The following PLCL1 variants were observed in gnomAD, a reference collection of about 807,000 sequenced individuals.
The protein encoded by PLCL1 is phospholipase C like 1 (inactive).
PLCL1 carries 41 observed loss-of-function variants against 84.4 expected under a neutral mutation model. The ratio of observed to expected loss-of-function variants is 0.49; its 90% CI spans 0.38 to 0.63. The LOEUF (loss-of-function observed/expected upper bound fraction) is 0.63. PLCL1 is among the 30% of genes least tolerant of loss of function. The probability of loss-of-function intolerance (pLI) is 0.00; values close to 1 mark genes in which losing one functional copy is unlikely to be tolerated. For missense variants in PLCL1, 1,206 were observed against 1,367.8 expected (o/e 0.88, Z 1.87); for synonymous variants, 490 against 488.3 (o/e 1.00, Z -0.05).
chr2:198,086,162 C>G lies in PLCL1; in HGVS notation c.2645C>G (p.Thr882Ser), dbSNP rs959974738. Residue 882 changes from threonine (T) to serine (S), a missense_variant, in exon 2 of 6, where the codon ACC (threonine) becomes AGC (serine). Physicochemically the swap from Thr to Ser is moderately conservative, Grantham distance 58. Coordinates refer to ENST00000428675, the MANE Select transcript of PLCL1 (RefSeq NM_006226.4). ...YTMLRNIGLKTIDDIFKIAVH... is the reference protein window; with the variant it reads ...YTMLRNIGLKSIDDIFKIAVH... ...ATGCTCAGGAATATCGGTCTTAAAA[C>G]CATTGATGACATCTTTAAAATAGCG... The G allele has an allele frequency of 5.0e-6, 8 of 1,613,744 alleles. No homozygotes were observed. The highest frequency in any genetic ancestry group is 6.8e-6 in the Non-Finnish European group (8 of 1,179,706).
At chr2:197,837,352 AAT>A (rs1177980912) in intron 1 of PLCL1, among the ~76,000 whole-genome samples, 2 of 152,234 alleles carry the variant, frequency 1.3e-5, no homozygotes, top group Non-Finnish European at 2.9e-5. Flanking sequence ...GTATATTTTA[AAT>A]ATTCTACAAA....
intron 1 of PLCL1, among the ~76,000 whole-genome samples, chr2:197,999,925 A>C (rs1017302509): frequency 2.0e-5 from 3 of 152,218 alleles, no homozygotes. Flanking sequence ...TAGGTAGTGC[A>C]GTCACACATA....
intron 1 of PLCL1, among the ~76,000 whole-genome samples, chr2:197,901,936 A>C (rs1688275881): frequency 6.6e-6 from 1 of 152,162 alleles, no homozygotes; most frequent in African/African-American, 2.4e-5. Context: ...TATATACCAA[A>C]ATAGTTTCCT....
intron 1 of PLCL1, among the ~76,000 whole-genome samples, chr2:197,822,558 T>TAC (rs1690838886): frequency 3.3e-5 from 5 of 152,316 alleles, no homozygotes; most frequent in Admixed American, 1.3e-4. Flanking sequence ...CTAAGCACTT[T>TAC]ATGTGTATTA....
At chr2:197,993,437 A>G (rs1438278633) in intron 1 of PLCL1, among the ~76,000 whole-genome samples, 2 of 152,174 alleles carry the variant, frequency 1.3e-5, no homozygotes. Flanking sequence ...CTCCATCATC[A>G]GGGTCAGGGA....
chr2:197,961,788 T>G lies in PLCL1; in HGVS notation c.241-121970T>G, dbSNP rs181460475. Among the ~76,000 whole-genome samples, 685 of 152,140 alleles carry G rather than the reference T, an allele frequency of 4.5e-3. 5 individuals carry two copies. The highest frequency in any genetic ancestry group is 0.016 in the African/African-American group (656 of 41,538). ...TTAGGGGTTGTTTTGATTTACAGGA[T>G]AGGTGATAATGGTGCTTTCTCCTGG... On this transcript the variant is annotated intron_variant, in intron 1 of 5. Coordinates refer to ENST00000428675, the MANE Select transcript of PLCL1 (RefSeq NM_006226.4).
intron 1 of PLCL1, among the ~76,000 whole-genome samples, chr2:198,000,739 CTT>C (rs111755074): frequency 2.8e-5 from 4 of 145,292 alleles, no homozygotes; most frequent in Admixed American, 6.9e-5. Context: ...CTTTATTTCC[CTT>C]TTTTTTTTTT....
chr2:197,982,241 T>C (rs945117985), intron 1 of PLCL1, among the ~76,000 whole-genome samples: 1 of 151,550 alleles, frequency 6.6e-6, no homozygotes, highest in African/African-American at 2.4e-5. Context: ...AAGTCTAAAA[T>C]TGGAACAAAA....
At chr2:197,827,683 A>C (rs1011491244) in intron 1 of PLCL1, among the ~76,000 whole-genome samples, 1 of 152,176 alleles carries the variant, frequency 6.6e-6, no homozygotes, top group Non-Finnish European at 1.5e-5. Context: ...ACTCTGTTGG[A>C]TCTTAAATTT....
intron 1 of PLCL1, among the ~76,000 whole-genome samples, chr2:197,997,172 G>A (rs1690488118): frequency 6.6e-6 from 1 of 152,222 alleles, no homozygotes; most frequent in African/African-American, 2.4e-5. Context: ...CTTCCCATCT[G>A]TGCACAGCGT....
chr2:197,900,403 G>C (rs1353874260), intron 1 of PLCL1, among the ~76,000 whole-genome samples: 1 of 152,186 alleles, frequency 6.6e-6, no homozygotes, highest in Non-Finnish European at 1.5e-5. Context: ...GGAATGGACT[G>C]AGAAGAAATA....
At chr2:197,842,492 A>G (rs185547105) in intron 1 of PLCL1, among the ~76,000 whole-genome samples, 7 of 152,114 alleles carry the variant, frequency 4.6e-5, no homozygotes, top group African/African-American at 1.7e-4. Context: ...ACCTCTAAAC[A>G]CTGTCTCTCA....
intron 1 of PLCL1, among the ~76,000 whole-genome samples, chr2:197,889,243 G>A (rs1687971939): frequency 6.6e-6 from 1 of 152,148 alleles, no homozygotes; most frequent in African/African-American, 2.4e-5. Context: ...CTGTCTCCCA[G>A]TGTAGGGCCC....
intron 1 of PLCL1, among the ~76,000 whole-genome samples, chr2:197,923,216 C>A (rs1297980610): frequency 1.4e-5 from 2 of 145,630 alleles, no homozygotes; most frequent in African/African-American, 2.5e-5. Flanking sequence ...GCTGACCCCC[C>A]ACCTCCCTCC....
intron 5 of PLCL1, among the ~76,000 whole-genome samples, chr2:198,115,066 A>G (rs767653244): frequency 1.3e-5 from 2 of 151,878 alleles, no homozygotes; most frequent in Non-Finnish European, 2.9e-5. Context: ...AAGGTCAGAA[A>G]GAAGCACATA....
chr2:198,144,482 CTTA>C (rs1444668362), intron 5 of PLCL1, among the ~76,000 whole-genome samples: 1 of 152,018 alleles, frequency 6.6e-6, no homozygotes, highest in African/African-American at 2.4e-5. Context: ...TACCAAGATA[CTTA>C]TTATATATAG....
chr2:198,064,362 A>G (rs35657897), intron 1 of PLCL1, among the ~76,000 whole-genome samples: 109,936 of 151,438 alleles, frequency 0.73, 40,737 homozygotes, highest in African/African-American at 0.87. Flanking sequence ...TTAATTCGGG[A>G]ATTTAACAGA....
chr2:197,805,077 G>C lies in PLCL1; in HGVS notation c.-23G>C. On this transcript the variant is annotated 5_prime_UTR_variant, in exon 1 of 6. Transcript: ENST00000428675. This position sits in a 1 kb window ranked among gnomAD's most constrained non-coding sequence, Gnocchi z 4.0. ...CTGCCGGGCGTCCCGCTTTCCCCCG[G>C]GGAGCCCTAAACGCTCCAGGCCATG... The C allele has an allele frequency of 4.2e-6, 6 of 1,423,418 alleles. No homozygotes were observed. Among genetic ancestry groups the C allele is most frequent in the Non-Finnish European group, 5.5e-6 (6 of 1,094,348 alleles). The allele number at this position is 1,423,418 out of a possible 1,614,324, so 88.2% of individuals were successfully genotyped here.
At chr2:198,109,103 G>A (rs1488019127) in intron 5 of PLCL1, among the ~76,000 whole-genome samples, 1 of 151,688 alleles carries the variant, frequency 6.6e-6, no homozygotes, top group Non-Finnish European at 1.5e-5. Context: ...CCTGAGACTG[G>A]GTAATTTATA....
Sources: gnomAD v4.1 joint callset for allele counts (sites outside exome capture counted in the v4.1 genomes callset) on GRCh38, gnomAD v4.1.1 for gene constraint, Gnocchi (gnomAD v3.1) non-coding constraint, MANE v1.5 for transcripts, NCBI Gene and HGNC (gene_info 2026-07-23, HGNC 2026-07-21) for gene names.